Variants in DYNC2H1 observed in about 807,000 individuals in gnomAD.
DYNC2H1 encodes the protein cytoplasmic dynein 2 heavy chain 1.
A neutral mutation model predicts 570.0 loss-of-function variants in DYNC2H1; 410 were observed. That is an observed-to-expected ratio of 0.72 (90% CI 0.66 to 0.78). The LOEUF is 0.78. Ranked by LOEUF, DYNC2H1 falls within the 30% of genes least tolerant of loss-of-function variation. The pLI, the probability that DYNC2H1 is intolerant of heterozygous loss-of-function variation, is 0.00. For missense variants in DYNC2H1, 4,865 were observed against 5,046.4 expected (o/e 0.96, Z 1.09); for synonymous variants, 1,688 against 1,677.6 (o/e 1.01, Z -0.15).
chr11:103,473,389 G>T (rs563549653), intron 88 of DYNC2H1, among the ~76,000 whole-genome samples: 1 of 151,346 alleles, frequency 6.6e-6, no homozygotes, highest in East Asian at 1.9e-4. Flanking sequence ...TTCCAGTTCG[G>T]TGCAGTATTT....
intron 70 of DYNC2H1, among the ~76,000 whole-genome samples, chr11:103,263,193 C>T (rs1865381340): frequency 6.6e-6 from 1 of 151,940 alleles, no homozygotes; most frequent in East Asian, 1.9e-4. Flanking sequence ...ACAGGAGCAC[C>T]CAGATTCATA....
chr11:103,215,628 A>G, intron 54 of DYNC2H1, 93 bp from the exon 55 acceptor site: 2 of 1,285,354 alleles, frequency 1.6e-6, no homozygotes, highest in Non-Finnish European at 2.1e-6. Flanking sequence ...CACACTTAAC[A>G]TGTTTGCTTG....
At chr11:103,250,859 A>G (rs1038729533) in intron 65 of DYNC2H1, among the ~76,000 whole-genome samples, 6 of 151,806 alleles carry the variant, frequency 4.0e-5, no homozygotes, top group African/African-American at 1.2e-4. Flanking sequence ...CATATTTGTT[A>G]TTGATATGTA....
Position 103,109,564 on chromosome 11 carries a change from C to T in DYNC2H1, c.-11C>T, listed in dbSNP as rs751510705. 1.9e-6 allele frequency: 3 copies of T among 1,612,620 alleles called. No homozygotes were observed. The highest frequency in any genetic ancestry group is 2.2e-5 in the East Asian group (1 of 44,862). On this transcript the variant is annotated 5_prime_UTR_variant, in exon 1 of 89. Coordinates refer to ENST00000375735, the MANE Select transcript of DYNC2H1 (RefSeq NM_001377.3). Reference sequence around the variant, plus strand: ...CCCCCTTCCCCCAACTTCCCTCCACCCCTTCCAATCATGGCGAACGGGACT... The same window carrying T: ...CCCCCTTCCCCCAACTTCCCTCCACTCCTTCCAATCATGGCGAACGGGACT...
chr11:103,431,105 C>G (rs1943874284), intron 84 of DYNC2H1, among the ~76,000 whole-genome samples: 1 of 151,710 alleles, frequency 6.6e-6, no homozygotes, highest in East Asian at 1.9e-4. Flanking sequence ...AATGAACACC[C>G]TGGTTACAGC....
At chr11:103,462,961 A>C (rs896573007) in intron 87 of DYNC2H1, among the ~76,000 whole-genome samples, 13 of 152,340 alleles carry the variant, frequency 8.5e-5, no homozygotes, top group Admixed American at 3.3e-4. Context: ...ATTTTCAGTA[A>C]GTGAATAAAC....
chr11:103,422,330 A>G (rs1943515524), intron 84 of DYNC2H1, among the ~76,000 whole-genome samples: 2 of 152,178 alleles, frequency 1.3e-5, no homozygotes, highest in South Asian at 4.1e-4. Context: ...ACTCTTCCCT[A>G]ACTTATTCTA....
At chr11:103,265,384 A>G (rs1302024282) in intron 70 of DYNC2H1, among the ~76,000 whole-genome samples, 1 of 152,130 alleles carries the variant, frequency 6.6e-6, no homozygotes, top group Non-Finnish European at 1.5e-5. Context: ...AAATTTTAAA[A>G]AACAGAAAAG....
intron 54 of DYNC2H1, among the ~76,000 whole-genome samples, chr11:103,215,018 C>T (rs922089717): frequency 4.0e-5 from 6 of 151,840 alleles, no homozygotes; most frequent in African/African-American, 7.3e-5. Flanking sequence ...GCAGCTTTAC[C>T]GAATTTGCTT....
rs182134923 is a variant in DYNC2H1, at chr11:103,361,735, A to C, written c.12156+3376A>C. ...GCCCTTGAGTAATGTCAAAATGTAG[A>C]GTTATTATGAGAAAAAAATTTAGAG... On this transcript the variant is annotated intron_variant, in intron 83 of 88. Transcript: ENST00000375735. Among the ~76,000 whole-genome samples the C allele has an allele frequency of 2.7e-3, 404 of 152,270 alleles. 1 individual carries two copies. Among genetic ancestry groups the C allele is most frequent in the Admixed American group, 5.8e-3 (89 of 15,302 alleles).
intron 85 of DYNC2H1, among the ~76,000 whole-genome samples, chr11:103,449,600 A>G (rs1450883859): frequency 6.6e-6 from 1 of 152,186 alleles, no homozygotes; most frequent in Non-Finnish European, 1.5e-5. Flanking sequence ...CAAGTCACAC[A>G]TTGAACTTTA....
intron 83 of DYNC2H1, among the ~76,000 whole-genome samples, chr11:103,362,841 C>T (rs1223054726): frequency 6.6e-6 from 1 of 152,052 alleles, no homozygotes; most frequent in Non-Finnish European, 1.5e-5. Context: ...ACCAGCCTGG[C>T]CAACATGGTG....
intron 18 of DYNC2H1, among the ~76,000 whole-genome samples, chr11:103,146,988 A>C (rs1460102577): frequency 2.6e-5 from 4 of 152,218 alleles, no homozygotes; most frequent in Non-Finnish European, 5.9e-5. Flanking sequence ...TTATAGGTAT[A>C]TATAAAAATT....
At chr11:103,148,980 C>T (rs1366327717) in intron 20 of DYNC2H1, among the ~76,000 whole-genome samples, 1 of 152,142 alleles carries the variant, frequency 6.6e-6, no homozygotes, top group African/African-American at 2.4e-5. Flanking sequence ...TCTCTTGAAC[C>T]TGGGAGGCAA....
At chr11:103,362,201 A>G (rs1384633992) in intron 83 of DYNC2H1, among the ~76,000 whole-genome samples, 1 of 152,176 alleles carries the variant, frequency 6.6e-6, no homozygotes, top group African/African-American at 2.4e-5. Context: ...AAGTAGTTGA[A>G]GATGCTGAAA....
At chr11:103,377,146 A>G (rs1294513425) in intron 83 of DYNC2H1, among the ~76,000 whole-genome samples, 2 of 152,168 alleles carry the variant, frequency 1.3e-5, no homozygotes, top group Non-Finnish European at 1.5e-5. Context: ...CTGGATGTTC[A>G]TATCTCTCCC....
intron 13 of DYNC2H1, among the ~76,000 whole-genome samples, chr11:103,130,865 G>T (rs1298792508): frequency 6.6e-6 from 1 of 152,176 alleles, no homozygotes; most frequent in Non-Finnish European, 1.5e-5. Flanking sequence ...AGGAGACATA[G>T]TAGTGGTTAT....
chr11:103,179,581 T>G (rs556175716), intron 39 of DYNC2H1, among the ~76,000 whole-genome samples: 1 of 151,836 alleles, frequency 6.6e-6, no homozygotes, highest in Non-Finnish European at 1.5e-5. Context: ...GAGCTAATAA[T>G]TTAAAGCTGA....
intron 65 of DYNC2H1, among the ~76,000 whole-genome samples, chr11:103,247,442 A>G (rs1040867949): frequency 2.6e-5 from 4 of 152,042 alleles, no homozygotes; most frequent in African/African-American, 7.2e-5. Flanking sequence ...TCGTAGTCCA[A>G]TTGCTTCTGG....
Sources: gnomAD v4.1 joint callset for allele counts (sites outside exome capture counted in the v4.1 genomes callset) on GRCh38, gnomAD v4.1.1 for gene constraint, MANE v1.5 for transcripts, NCBI Gene and HGNC (gene_info 2026-07-23, HGNC 2026-07-21) for gene names.